The following MDGA2 variants were observed in gnomAD, a reference collection of about 807,000 sequenced individuals.
MDGA2 encodes the protein MAM domain containing glycosylphosphatidylinositol anchor 2.
A neutral mutation model predicts 117.8 loss-of-function variants in MDGA2; 40 were observed. The ratio of observed to expected loss-of-function variants is 0.34; its 90% CI spans 0.26 to 0.44. The LOEUF is 0.44. MDGA2 is among the 20% of genes least tolerant of loss of function. The pLI is 1.00. For missense variants in MDGA2, 1,123 were observed against 1,250.6 expected, an observed-to-expected ratio of 0.90 and a Z score of 1.54; for synonymous variants, 452 against 439.0, an observed-to-expected ratio of 1.03 and a Z score of -0.37.
chr14:47,108,210 G>A (rs1031819787), intron 5 of MDGA2, among the ~76,000 whole-genome samples: 2 of 152,034 alleles, frequency 1.3e-5, no homozygotes, highest in Non-Finnish European at 2.9e-5. Flanking sequence ...ATGCTACAGG[G>A]TACAGCCCAT....
intron 7 of MDGA2, among the ~76,000 whole-genome samples, chr14:47,047,659 CTAT>C (rs1309736912): frequency 6.6e-6 from 1 of 151,998 alleles, no homozygotes; most frequent in Non-Finnish European, 1.5e-5. Flanking sequence ...TTAGTTATTA[CTAT>C]GTTTTCTTAT....
At chr14:47,632,443 C>G (rs1897258826) in intron 1 of MDGA2, among the ~76,000 whole-genome samples, 1 of 152,168 alleles carries the variant, frequency 6.6e-6, no homozygotes, top group Non-Finnish European at 1.5e-5. Context: ...CCTAACTGTT[C>G]CCAGTTTTGT....
intron 7 of MDGA2, among the ~76,000 whole-genome samples, chr14:47,053,650 T>TACAC (rs1379231376): frequency 6.2e-3 from 291 of 46,820 alleles, no homozygotes; most frequent in Non-Finnish European, 9.4e-3. Context: ...TATATATATA[T>TACAC]ATATACACAC....
chr14:46,993,467 C>A (rs954914562), intron 8 of MDGA2, among the ~76,000 whole-genome samples: 1 of 146,634 alleles, frequency 6.8e-6, no homozygotes, highest in African/African-American at 2.5e-5. Flanking sequence ...TTGGGGGGGA[C>A]TTTTTTTTTT....
At chr14:47,617,438 A>C (rs559092261) in intron 1 of MDGA2, among the ~76,000 whole-genome samples, 1 of 152,190 alleles carries the variant, frequency 6.6e-6, no homozygotes, top group South Asian at 2.1e-4. Context: ...TCCTGACCCC[A>C]GGTGATCCAC....
chr14:47,024,536 T>A (rs1888405545), intron 8 of MDGA2, among the ~76,000 whole-genome samples: 1 of 152,182 alleles, frequency 6.6e-6, no homozygotes, highest in African/African-American at 2.4e-5. Context: ...GTTTCCTCCC[T>A]TGATTAATTT....
Position 47,674,562 on chromosome 14 carries a change from G to C in MDGA2, c.235C>G (p.Leu79Val). The C allele has an allele frequency of 6.4e-7, 1 of 1,551,508 alleles. No individual in the cohort carries two copies. The highest frequency in any genetic ancestry group is 8.7e-7 in the Non-Finnish European group (1 of 1,146,888). The change falls in exon 1 of 17, where the codon CTG becomes GTG. Residue 79 changes from leucine (L) to valine (V), a missense_variant. Leu to Val is a conservative substitution (Grantham distance 32). Around this residue, in one of 2 missense-constraint regions of MDGA2, gnomAD observed 233 missense variants for 200.3 expected, o/e 1.16. Transcript: ENST00000399232. ...ATCCCCTCCAGGAGGACTGTCAGCA[G>C]CCACACGAGACCGTACAGTAAATCC... ...KMDLLYGLVW[L>V]LTVLLEGISG...
At chr14:47,138,451 T>A (rs980696514) in intron 4 of MDGA2, among the ~76,000 whole-genome samples, 2 of 152,120 alleles carry the variant, frequency 1.3e-5, no homozygotes, top group African/African-American at 4.8e-5. Context: ...AGTTCTAGAC[T>A]AATGGAAAGT....
intron 2 of MDGA2, among the ~76,000 whole-genome samples, chr14:47,234,836 A>G (rs1351849792): frequency 1.3e-5 from 2 of 152,158 alleles, no homozygotes; most frequent in Admixed American, 1.3e-4. Flanking sequence ...ATGTATTTTT[A>G]TCCTTCCCTA....
intron 8 of MDGA2, among the ~76,000 whole-genome samples, chr14:47,011,492 A>G (rs890898152): frequency 6.6e-6 from 1 of 152,010 alleles, no homozygotes; most frequent in Non-Finnish European, 1.5e-5. Flanking sequence ...TTGAACCTAT[A>G]AATTCTACCC....
chr14:47,478,403 ATC>A (rs938708454), intron 1 of MDGA2, among the ~76,000 whole-genome samples: 22 of 152,052 alleles, frequency 1.4e-4, no homozygotes, highest in African/African-American at 5.1e-4. Context: ...TAGAGACAGG[ATC>A]TCTCTCTGTC....
At chr14:47,417,809 G>T (rs929011016) in intron 1 of MDGA2, among the ~76,000 whole-genome samples, 1 of 152,008 alleles carries the variant, frequency 6.6e-6, no homozygotes, top group East Asian at 1.9e-4. Flanking sequence ...CCTCCTTGGA[G>T]CTCAAGCAAT....
chr14:47,414,600 G>T (rs532708911), intron 1 of MDGA2, among the ~76,000 whole-genome samples: 126 of 152,218 alleles, frequency 8.3e-4, no homozygotes, highest in African/African-American at 2.9e-3. Flanking sequence ...AAAAATTAAT[G>T]TTGAGTTTCC....
intron 6 of MDGA2, among the ~76,000 whole-genome samples, chr14:47,084,829 A>G (rs539613956): frequency 3.7e-4 from 56 of 152,250 alleles, no homozygotes; most frequent in African/African-American, 1.2e-3. Context: ...GAATCCAACC[A>G]TGCCAACACA....
chr14:47,108,193 C>G (rs1478265945), intron 5 of MDGA2, among the ~76,000 whole-genome samples: 2 of 152,284 alleles, frequency 1.3e-5, no homozygotes, highest in Non-Finnish European at 2.9e-5. Flanking sequence ...TCAGGCCTGT[C>G]CTCGGAATGC....
chr14:47,037,503 A>T lies in MDGA2; in HGVS notation c.1526-2199T>A, dbSNP rs75169924. 2.8e-3 allele frequency among the ~76,000 whole-genome samples: 420 copies of T among 152,354 alleles called. 1 individual carries two copies. The highest frequency in any genetic ancestry group is 9.6e-3 in the African/African-American group (401 of 41,588). ...ATAGACTCCTCTCTTCCTGCTCATG[A>T]CAAATTGGACAAAATCCCTGCCTGT... On this transcript the variant is annotated intron_variant, in intron 7 of 16. Transcript: ENST00000399232.
intron 1 of MDGA2, among the ~76,000 whole-genome samples, chr14:47,507,845 G>C (rs1894547895): frequency 6.6e-6 from 1 of 152,108 alleles, no homozygotes; most frequent in Admixed American, 6.5e-5. Flanking sequence ...TCAGTTGATT[G>C]CTTGGGTTAC....
chr14:47,525,232 T>C (rs1350525449), intron 1 of MDGA2, among the ~76,000 whole-genome samples: 2 of 152,182 alleles, frequency 1.3e-5, no homozygotes, highest in Non-Finnish European at 2.9e-5. Flanking sequence ...CACTTACTCG[T>C]TTCTGGTTTA....
chr14:47,667,468 A>G (rs1218908713), intron 1 of MDGA2, among the ~76,000 whole-genome samples: 1 of 152,190 alleles, frequency 6.6e-6, no homozygotes, highest in Non-Finnish European at 1.5e-5. Context: ...TTATCTCCTC[A>G]TCCTTTCCTT....
Sources: gnomAD v4.1 joint callset for allele counts (sites outside exome capture counted in the v4.1 genomes callset) on GRCh38, gnomAD v4.1.1 for gene constraint, gnomAD v4.1.1 regional missense constraint, MANE v1.5 for transcripts, NCBI Gene and HGNC (gene_info 2026-07-23, HGNC 2026-07-21) for gene names.